Variants in RUNX1T1 observed in about 807,000 individuals in gnomAD.
RUNX1T1 encodes RUNX1 partner transcriptional co-repressor 1.
RUNX1T1 carries 4 observed loss-of-function variants against 62.8 expected under a neutral mutation model. The ratio of observed to expected loss-of-function variants is 0.06; its 90% CI spans 0.03 to 0.15. RUNX1T1 has a LOEUF of 0.15. RUNX1T1 is among the 10% of genes least tolerant of loss of function. The pLI is 1.00. For synonymous variants in RUNX1T1, 291 were observed against 286.0 expected (o/e 1.02, Z -0.18); for missense variants, 508 against 754.3 (o/e 0.67, Z 3.82).
chr8:92,090,376 G>C (rs964686195), intron 1 of RUNX1T1, among the ~76,000 whole-genome samples: 5 of 151,964 alleles, frequency 3.3e-5, no homozygotes, highest in African/African-American at 1.2e-4. Flanking sequence ...ACTACGAAAG[G>C]AACAAGACTC....
exon 10 of RUNX1T1, chr8:91,970,817 C>A: frequency 3.1e-6 from 5 of 1,611,770 alleles, no homozygotes; most frequent in Non-Finnish European, 4.2e-6. Flanking sequence ...GCTCCGTCAT[C>A]GCCTGGCGCT....
At chr8:92,069,075 C>A (rs553800650) in intron 2 of RUNX1T1, among the ~76,000 whole-genome samples, 2 of 151,714 alleles carry the variant, frequency 1.3e-5, no homozygotes, top group Non-Finnish European at 2.9e-5. Context: ...CTGATAATGT[C>A]TATTCTTAAA....
chr8:92,036,076 T>C lies in RUNX1T1; in HGVS notation c.8-18713A>G, dbSNP rs1827362572. Among the ~76,000 whole-genome samples the C allele has an allele frequency of 2.0e-5, 3 of 152,186 alleles. No homozygotes were observed. The East Asian group carries it at 5.8e-4, about 29-fold the overall frequency. On this transcript the variant is annotated intron_variant, in intron 1 of 10. Transcript: ENST00000396218. ...ATATGTTATTAAATTAAGATGACAG[T>C]CTAAATTCCCATCCACTTACTAGGA...
intron 10 of RUNX1T1, among the ~76,000 whole-genome samples, chr8:91,966,736 T>C (rs2130545543): frequency 6.6e-6 from 1 of 152,312 alleles, no homozygotes; most frequent in African/African-American, 2.4e-5. Context: ...GGGTTAAATA[T>C]ATAATCCACT....
At chr8:92,088,935 A>G (rs1021144020) in intron 1 of RUNX1T1, among the ~76,000 whole-genome samples, 2 of 152,232 alleles carry the variant, frequency 1.3e-5, no homozygotes, top group African/African-American at 2.4e-5. Context: ...CGCTTAAGAC[A>G]TTCTCCTTTG....
chr8:91,992,649 A>C (rs1211868856), intron 5 of RUNX1T1, among the ~76,000 whole-genome samples: 1 of 152,198 alleles, frequency 6.6e-6, no homozygotes, highest in Non-Finnish European at 1.5e-5. Context: ...CAGCAGTCAT[A>C]CAGAGCTAGC....
chr8:92,046,411 T>C lies in RUNX1T1; in HGVS notation c.7+16135A>G, dbSNP rs368412327. 5.9e-5 allele frequency among the ~76,000 whole-genome samples: 9 copies of C among 152,260 alleles called. No homozygotes were observed. In the East Asian group the frequency reaches 1.5e-3, roughly 26 times the overall value. Reference sequence around the variant, plus strand: ...ATCTCACTATGTCACCCAGGCTACATAGAGCGCAGTGGCACAATCATAGCT... The same window carrying C: ...ATCTCACTATGTCACCCAGGCTACACAGAGCGCAGTGGCACAATCATAGCT... On this transcript the variant is annotated intron_variant, in intron 1 of 10. Coordinates refer to ENST00000396218, the Ensembl canonical transcript of RUNX1T1.
intron 5 of RUNX1T1, chr8:91,994,753 C>T (rs1818356597): frequency 3.0e-6 from 1 of 330,812 alleles, no homozygotes; most frequent in African/African-American, 2.1e-5. Flanking sequence ...CCAGAGGAAC[C>T]CACTTCTTAT....
intron 1 of RUNX1T1, among the ~76,000 whole-genome samples, chr8:92,037,909 G>A (rs1010884477): frequency 1.3e-5 from 2 of 151,956 alleles, no homozygotes; most frequent in Non-Finnish European, 2.9e-5. Flanking sequence ...TCTGCAAATG[G>A]TTAGCTCATT....
At chr8:92,033,682 A>C (rs1395763367) in intron 1 of RUNX1T1, among the ~76,000 whole-genome samples, 1 of 151,994 alleles carries the variant, frequency 6.6e-6, no homozygotes, top group African/African-American at 2.4e-5. Flanking sequence ...CAAAAATTAA[A>C]ATTTTTTGGC....
chr8:92,060,622 T>C (rs1831870138), intron 1 of RUNX1T1, among the ~76,000 whole-genome samples: 2 of 147,976 alleles, frequency 1.4e-5, no homozygotes, highest in Admixed American at 6.8e-5. Context: ...GTAGATGATA[T>C]CAGAGTGCAT....
chr8:92,065,111 G>T (rs1052902278), upstream of RUNX1T1, among the ~76,000 whole-genome samples: 7 of 151,904 alleles, frequency 4.6e-5, no homozygotes, highest in African/African-American at 1.7e-4. Context: ...AGTTCTCCCT[G>T]AATAGGGAAA....
At chr8:92,095,253 G>C in intron 1 of RUNX1T1, 1 of 1,523,594 alleles carries the variant, frequency 6.6e-7, no homozygotes. Context: ...AAGGGAGAGA[G>C]GGAGAGAGAA....
At chr8:92,086,408 T>C (rs560645313) in intron 1 of RUNX1T1, among the ~76,000 whole-genome samples, 3 of 152,328 alleles carry the variant, frequency 2.0e-5, no homozygotes, top group Admixed American at 6.5e-5. Flanking sequence ...TGAGGGCACC[T>C]GCAAAAGAGA....
rs143744167 is a variant in RUNX1T1 at position 91,966,265 on chromosome 8, C to T, written c.1458+4393G>A. 5.0e-4 allele frequency among the ~76,000 whole-genome samples: 76 copies of T among 151,932 alleles called. 1 individual carries two copies. The highest frequency in any genetic ancestry group is 1.6e-4 in the Non-Finnish European group (11 of 67,972). On this transcript the variant is annotated intron_variant, in intron 10 of 10. Coordinates refer to ENST00000396218, the Ensembl canonical transcript of RUNX1T1. ...TCTGATGAGATTGTGAAGGCTTTGA[C>T]AGGACCCATGCTGTGAGGTCCCTAT...
intron 1 of RUNX1T1, among the ~76,000 whole-genome samples, chr8:92,085,766 C>T (rs770394734): frequency 3.3e-5 from 5 of 152,102 alleles, no homozygotes; most frequent in Non-Finnish European, 7.4e-5. Flanking sequence ...AAGTCCTCAC[C>T]CAGGTAGATT....
upstream of RUNX1T1, among the ~76,000 whole-genome samples, chr8:92,102,180 C>G (rs186682067): frequency 3.9e-5 from 6 of 152,242 alleles, no homozygotes; most frequent in Non-Finnish European, 7.4e-5. This position sits in a 1 kb window ranked among gnomAD's most constrained non-coding sequence, Gnocchi z 4.5. Flanking sequence ...AAGCCCGGGA[C>G]CAGCCTCGGG....
At chr8:92,014,015 A>T (rs1822498815) in intron 3 of RUNX1T1, among the ~76,000 whole-genome samples, 1 of 152,160 alleles carries the variant, frequency 6.6e-6, no homozygotes, top group Admixed American at 6.5e-5. Context: ...AAAAATGGTT[A>T]AAATGATGAA....
chr8:91,970,611 T>C (rs1286134197), intron 10 of RUNX1T1, 47 bp downstream of exon 11: 9 of 1,494,606 alleles, frequency 6.0e-6, no homozygotes, highest in Non-Finnish European at 4.5e-6. Flanking sequence ...AGCACTCTAA[T>C]GAATGAAAAC....
Sources: allele counts gnomAD v4.1 joint callset (sites outside exome capture counted in the v4.1 genomes callset), GRCh38; gene constraint gnomAD v4.1.1; non-coding constraint Gnocchi (gnomAD v3.1); transcripts MANE v1.5; gene names NCBI Gene and HGNC (gene_info 2026-07-23, HGNC 2026-07-21).